Variants in PLCG2 observed in about 807,000 individuals in gnomAD.
The protein encoded by PLCG2 is phospholipase C gamma 2, also known as 1-phosphatidylinositol 4,5-bisphosphate phosphodiesterase gamma-2.
In PLCG2, 69 loss-of-function variants were observed where a neutral mutation model predicts 175.6. That is an observed-to-expected ratio of 0.39 (90% CI 0.32 to 0.48). The LOEUF is 0.48. Among genes scored for constraint, PLCG2 ranks in the 20% least tolerant of loss-of-function variants. PLCG2 has a pLI of 0.91. For missense variants in PLCG2, 1,798 were observed against 1,650.9 expected (o/e 1.09, Z -1.54); for synonymous variants, 827 against 624.0 (o/e 1.33, Z -4.85).
intron 11 of PLCG2, among the ~76,000 whole-genome samples, chr16:81,892,925 A>T (rs1287539704): frequency 2.0e-5 from 3 of 149,198 alleles, no homozygotes; most frequent in Non-Finnish European, 4.4e-5. Flanking sequence ...TCAGCTCACA[A>T]CCTCCGCTTT....
chr16:81,800,691 G>A (rs1213683143), intron 2 of PLCG2, among the ~76,000 whole-genome samples: 1 of 150,562 alleles, frequency 6.6e-6, no homozygotes, highest in Non-Finnish European at 1.5e-5. Context: ...TATTATTATT[G>A]TTATTTCCAA....
At chr16:81,825,211 T>C (rs1238203368) in intron 2 of PLCG2, among the ~76,000 whole-genome samples, 5 of 152,158 alleles carry the variant, frequency 3.3e-5, no homozygotes, top group Non-Finnish European at 7.4e-5. Context: ...GCCTCAGTGA[T>C]GCTTATTTGG....
At chr16:81,833,614 C>T (rs1905363481) in intron 2 of PLCG2, among the ~76,000 whole-genome samples, 1 of 150,504 alleles carries the variant, frequency 6.6e-6, no homozygotes, top group South Asian at 2.1e-4. Flanking sequence ...ACTGTACCTT[C>T]CACCTCCTAG....
chr16:81,759,296 C>T (rs1909991304), intron 2 of PLCG2, among the ~76,000 whole-genome samples: 1 of 152,088 alleles, frequency 6.6e-6, no homozygotes, highest in Non-Finnish European at 1.5e-5. Context: ...AAGCACACAT[C>T]CTCATGCTAA....
At chr16:81,773,604 A>T (rs1488406115) in intron 2 of PLCG2, among the ~76,000 whole-genome samples, 1 of 152,168 alleles carries the variant, frequency 6.6e-6, no homozygotes, top group African/African-American at 2.4e-5. Context: ...GGGCCTGGCA[A>T]ATGCCTGGTT....
chr16:81,897,921 T>C (rs1204040801), intron 13 of PLCG2: 3 of 452,100 alleles, frequency 6.6e-6, no homozygotes, highest in Non-Finnish European at 1.3e-5. Context: ...ACAATGAAAT[T>C]ATGGACGTCT....
At chr16:81,920,555 C>T (rs936867229) in intron 20 of PLCG2, among the ~76,000 whole-genome samples, 2 of 152,036 alleles carry the variant, frequency 1.3e-5, no homozygotes, top group Non-Finnish European at 2.9e-5. Flanking sequence ...GAAATGTGAG[C>T]CGAAACATGG....
At chr16:81,851,132 CT>C (rs1281330409) in intron 2 of PLCG2, among the ~76,000 whole-genome samples, 2 of 152,174 alleles carry the variant, frequency 1.3e-5, no homozygotes, top group Admixed American at 6.5e-5. Flanking sequence ...TACCACCCCC[CT>C]AATAATAGGG....
intron 24 of PLCG2, among the ~76,000 whole-genome samples, chr16:81,929,372 G>A (rs967239293): frequency 2.6e-5 from 4 of 152,200 alleles, no homozygotes; most frequent in Non-Finnish European, 5.9e-5. Flanking sequence ...TATTGCCAAT[G>A]CTCTGCTTTA....
intron 2 of PLCG2, among the ~76,000 whole-genome samples, chr16:81,795,442 T>C (rs954230079): frequency 6.6e-6 from 1 of 152,206 alleles, no homozygotes; most frequent in Non-Finnish European, 1.5e-5. Context: ...GGTAGCCTAA[T>C]TGCAGTAACA....
At chr16:81,760,387 G>T (rs1480463508) in intron 2 of PLCG2, among the ~76,000 whole-genome samples, 1 of 152,112 alleles carries the variant, frequency 6.6e-6, no homozygotes, top group South Asian at 2.1e-4. Context: ...TGCCAGATAT[G>T]TACCCTCTGA....
At chr16:81,739,853 T>G (rs1280780152) in intron 1 of PLCG2, 1 of 152,134 alleles carries the variant, frequency 6.6e-6, no homozygotes, top group East Asian at 1.9e-4. Context: ...GAACAGTGTG[T>G]GGGGCCGGGC....
At chr16:81,854,162 G>T (rs1906562667) in intron 2 of PLCG2, among the ~76,000 whole-genome samples, 2 of 152,054 alleles carry the variant, frequency 1.3e-5, no homozygotes, top group Admixed American at 6.6e-5. Flanking sequence ...AAAATTAATT[G>T]TCCTAGTTTA....
intron 20 of PLCG2, among the ~76,000 whole-genome samples, chr16:81,920,046 A>T (rs1357019910): frequency 6.6e-6 from 1 of 152,168 alleles, no homozygotes; most frequent in African/African-American, 2.4e-5. Flanking sequence ...AGAGGATAGC[A>T]TGCGCAAAGG....
chr16:81,857,545 C>G lies in PLCG2; in HGVS notation c.338-718C>G, dbSNP rs142579839. Among the ~76,000 whole-genome samples the G allele has an allele frequency of 4.4e-3, 673 of 152,236 alleles. 6 individuals are homozygous for G. The highest frequency in any genetic ancestry group is 0.015 in the African/African-American group (642 of 41,536). On this transcript the variant is annotated intron_variant, in intron 3 of 32. Transcript: ENST00000564138. ...GGATGGTTGAGTTCTGGTGAGGGCT[C>G]TCTTCCTGACTTGCAGACAGCTGCC... is the stretch of plus-strand genomic sequence containing the variant.
intron 2 of PLCG2, among the ~76,000 whole-genome samples, chr16:81,802,301 A>G (rs1384542056): frequency 6.7e-6 from 1 of 149,160 alleles, no homozygotes; most frequent in African/African-American, 2.5e-5. Flanking sequence ...TTTAGTAGAG[A>G]TGGGGTTTCA....
intron 2 of PLCG2, among the ~76,000 whole-genome samples, chr16:81,763,196 G>A (rs1276202077): frequency 6.6e-6 from 1 of 152,234 alleles, no homozygotes; most frequent in East Asian, 1.9e-4. Flanking sequence ...GGAGAACCCA[G>A]CCTCTCCTCC....
chr16:81,939,308 C>G (rs886421937), intron 29 of PLCG2, among the ~76,000 whole-genome samples: 4 of 152,114 alleles, frequency 2.6e-5, no homozygotes, highest in Admixed American at 1.3e-4. Context: ...GATCTTAGCC[C>G]CTAGAGGGCA....
intron 2 of PLCG2, among the ~76,000 whole-genome samples, chr16:81,771,437 C>G (rs993853637): frequency 2.0e-5 from 3 of 152,170 alleles, no homozygotes; most frequent in Non-Finnish European, 4.4e-5. Flanking sequence ...TTCCCTCTCT[C>G]TGGTGCTGTT....
Sources: allele counts gnomAD v4.1 joint callset (sites outside exome capture counted in the v4.1 genomes callset), GRCh38; gene constraint gnomAD v4.1.1; transcripts MANE v1.5; gene names NCBI Gene and HGNC (gene_info 2026-07-23, HGNC 2026-07-21).